CTSD: variants seen among roughly 807,000 people sequenced by gnomAD.
The protein encoded by CTSD is ceroid-lipofuscinosis, neuronal 10.
A neutral mutation model predicts 43.6 loss-of-function variants in CTSD; 28 were observed. The observed-to-expected ratio is 0.64, with a 90% CI of 0.48 to 0.88. The LOEUF (loss-of-function observed/expected upper bound fraction) is 0.88. Ranked by LOEUF, CTSD falls within the 40% of genes least tolerant of loss-of-function variation. The probability of loss-of-function intolerance (pLI) is 0.00; values close to 1 mark genes in which losing one functional copy is unlikely to be tolerated. For missense variants in CTSD, 485 were observed against 555.2 expected, an observed-to-expected ratio of 0.87 and a Z score of 1.27; for synonymous variants, 270 against 249.8, an observed-to-expected ratio of 1.08 and a Z score of -0.76.
chr11:1,759,382 G>T, intron 3 of CTSD, 134 bp downstream of exon 3: 1 of 1,328,622 alleles, frequency 7.5e-7, no homozygotes, highest in Non-Finnish European at 1.1e-6. Flanking sequence ...GGCTGGAGCA[G>T]GGTGGAGGGC....
chr11:1,755,855 C>T (rs369419594), intron 5 of CTSD, among the ~76,000 whole-genome samples: 1 of 152,166 alleles, frequency 6.6e-6, no homozygotes, highest in South Asian at 2.1e-4. Context: ...CTCTTGTCAA[C>T]ACCTCTGCAA....
intron 5 of CTSD, chr11:1,755,235 C>T (rs1033625462): frequency 7.8e-6 from 5 of 643,596 alleles, no homozygotes; most frequent in Admixed American, 4.6e-5. Context: ...GTGGGCCCAG[C>T]CTGGCCCAGA....
Position 1,753,395 on chromosome 11 carries a change from A to C in CTSD, c.*108T>G, listed in dbSNP as rs1378594644. ...CGCCGGCTTCCAGGGCGCCCAGGAC[A>C]GTGGGCGGGCGAGTGTGTGGGTGTG... On this transcript the variant is annotated 3_prime_UTR_variant, in exon 9 of 9. Coordinates refer to ENST00000236671, the MANE Select transcript of CTSD (RefSeq NM_001909.5). 14 of 1,363,494 alleles carry C rather than the reference A, an allele frequency of 1.0e-5. No homozygotes were observed. Among genetic ancestry groups the C allele is most frequent in the African/African-American group, 1.4e-5 (1 of 70,058 alleles). The allele number at this position is 1,363,494 out of a possible 1,614,324, so 84.5% of individuals were successfully genotyped here. A position where few individuals can be genotyped will look rare whatever the true frequency, so the allele number is the denominator to read the frequency against.
At position 1,755,036 on chromosome 11, in the gene CTSD, G is replaced by A. The variant is rs754748489; in HGVS notation, c.705-8C>T. On this transcript the variant is annotated splice_polypyrimidine_tract_variant and splice_region_variant and intron_variant, in intron 5 of 8. Transcript: ENST00000236671. Reference sequence around the variant, plus strand: ...GGCTGCGCATCTGGGTCCCTAGGAGGAAAAGGGAGGAGTCAGCTGCCACGC... The same window carrying A: ...GGCTGCGCATCTGGGTCCCTAGGAGAAAAAGGGAGGAGTCAGCTGCCACGC... 10 of 1,613,684 alleles carry A rather than the reference G, an allele frequency of 6.2e-6. No homozygotes were observed. Among genetic ancestry groups the A allele is most frequent in the South Asian group, 1.1e-5 (1 of 91,088 alleles).
At chr11:1,761,667 T>G (rs567475930) in intron 1 of CTSD, 199 bp from the exon 2 acceptor site, 1 of 659,824 alleles carries the variant, frequency 1.5e-6, no homozygotes, top group South Asian at 1.7e-5. Flanking sequence ...CCCCGCCAGG[T>G]TGCACAGGCC....
chr11:1,763,114 A>T (rs1845902856), intron 1 of CTSD: 1 of 152,460 alleles, frequency 6.6e-6, no homozygotes, highest in South Asian at 2.0e-4. Flanking sequence ...CTGGTCAGGC[A>T]TGGCCGGGCC....
intron 6 of CTSD, among the ~76,000 whole-genome samples, chr11:1,754,478 A>T (rs1331125940): frequency 7.1e-4 from 36 of 50,694 alleles, no homozygotes; most frequent in African/African-American, 2.5e-3. Flanking sequence ...ATGGAGGGTC[A>T]TGGAGAGTCA....
rs372181453 is a variant in CTSD at position 1,759,607 on chromosome 11, C to T, written c.261G>A (p.Thr87=). 3.0e-5 allele frequency: 49 copies of T among 1,613,234 alleles called. No homozygotes were observed. Among genetic ancestry groups the T allele is most frequent in the African/African-American group, 2.4e-4 (18 of 74,910 alleles). The change falls in exon 3 of 9, where the codon ACG becomes ACA. Residue 87 remains threonine (T), a synonymous_variant. Transcript: ENST00000236671. ...AGACGACTGTGAAGCACTGGGGGGG[C>T]GTCCCGATGCCAATCTCCCCGTAGT... ...AQYYGEIGIG[T]PPQCFTVVFD...
At chr11:1,757,828 C>G (rs748957566) in intron 4 of CTSD, 5 of 527,018 alleles carry the variant, frequency 9.5e-6, no homozygotes, top group Non-Finnish European at 1.7e-5. Context: ...CCCCTTGCTC[C>G]GCTCCCTGCT....
At chr11:1,761,180 C>T (rs574910291) in intron 2 of CTSD, 129 bp downstream of exon 2, 188 of 977,592 alleles carry the variant, frequency 1.9e-4, no homozygotes, top group Middle Eastern at 7.6e-4. Flanking sequence ...TGAGCCGGGA[C>T]GCCACCGTGG....
chr11:1,762,886 A>T (rs1845899682), intron 1 of CTSD: 1 of 152,342 alleles, frequency 6.6e-6, no homozygotes, highest in Non-Finnish European at 1.5e-5. Context: ...CAGCTGGCCC[A>T]GCCAGCTCCA....
At position 1,754,087 on chromosome 11, in the gene CTSD, A is replaced by T. The variant is rs1489022357; in HGVS notation, c.879T>A (p.Ile293=). ...LTLCKEGCEA[I]VDTGTSLMVG... ...CCATGAGGGAAGTGCCTGTGTCCAC[A>T]ATGGCCTCACAGCCCTCCTTGCACA... The change falls in exon 7 of 9, where the codon ATT becomes ATA. Residue 293 remains isoleucine, a synonymous_variant. Transcript: ENST00000236671. 1.9e-6 allele frequency: 3 copies of T among 1,611,490 alleles called. No homozygotes were observed. In the South Asian group the frequency reaches 3.3e-5, roughly 18 times the overall value.
Position 1,757,589 on chromosome 11 carries a change from A to T in CTSD, c.472-33T>A, listed in dbSNP as rs557849768. The T allele has an allele frequency of 2.6e-6, 4 of 1,550,182 alleles. No homozygotes were observed. In the South Asian group the frequency reaches 4.6e-5, roughly 18 times the overall value. On this transcript the variant is annotated intron_variant, in intron 4 of 8. Transcript: ENST00000236671. ...CCAGGGCAGAGTCAGTGGGCAGCAG[A>T]CAGGCTGAGCCCTACACCACTCCCT...
intron 6 of CTSD, among the ~76,000 whole-genome samples, chr11:1,754,629 A>AG (rs1490272463): frequency 7.6e-6 from 1 of 131,604 alleles, no homozygotes; most frequent in African/African-American, 3.1e-5. Context: ...GAGGGCATGG[A>AG]GGGATGGACA....
At chr11:1,754,224 G>T in intron 6 of CTSD, 86 bp from the exon 7 acceptor site, 1 of 1,498,882 alleles carries the variant, frequency 6.7e-7, no homozygotes. Context: ...CCCCTCCCCT[G>T]GCTGGGCTGC....
chr11:1,761,401 G>T lies in CTSD; in HGVS notation c.136C>A (p.Leu46Met). The change falls in exon 2 of 9, where the codon CTG becomes ATG. Residue 46 changes from leucine (L) to methionine (M), a missense_variant. Physicochemically the swap from Leu to Met is conservative, Grantham distance 15 (BLOSUM62 2). Transcript: ENST00000236671. ...TTTGAGACGGGGCCTTTGGCAATCA[G>T]GTCCTCCACAGAGCCCCCAACCTCC... ...MSEVGGSVED[L>M]IAKGPVSKYS... The T allele has an allele frequency of 1.2e-6, 2 of 1,613,842 alleles. No homozygotes were observed. The highest frequency in any genetic ancestry group is 1.7e-6 in the Non-Finnish European group (2 of 1,179,998).
rs1181832533 is a variant in CTSD, at chr11:1,759,406, G to A, written c.352+110C>T. 5 of 1,506,932 alleles carry A rather than the reference G, an allele frequency of 3.3e-6. 1 individual carries two copies. In the South Asian group the frequency reaches 4.6e-5, roughly 14 times the overall value. The allele number at this position is 1,506,932 out of a possible 1,614,324, so 93.3% of individuals were successfully genotyped here. A position where few individuals can be genotyped will look rare whatever the true frequency, so the allele number is the denominator to read the frequency against. ...AGGGTGGAGGGCTGGCCTGGCTCAC[G>A]GGGCCAAGAGGCAGGAGAATTGCGT... On this transcript the variant is annotated intron_variant, in intron 3 of 8. Transcript: ENST00000236671.
rs1201933823 is a variant in CTSD, at chr11:1,754,544, GATGGAGGGGATGGAGGGATGGAGGA to G, written c.827+337_827+361del. ...GATGGAGGGGATGGAGGGATGGAGG[GATGGAGGGGATGGAGGGATGGAGGA>G]GATGGAGGGTCATGAAGAGTCACAG... On this transcript the variant is annotated intron_variant, in intron 6 of 8. Coordinates refer to ENST00000236671, the MANE Select transcript of CTSD (RefSeq NM_001909.5). Among the ~76,000 whole-genome samples the G allele has an allele frequency of 9.6e-4, 134 of 138,876 alleles. 1 individual carries two copies. Among genetic ancestry groups the G allele is most frequent in the African/African-American group, 2.9e-3 (106 of 36,684 alleles). The allele number at this position is 138,876 out of a possible 152,430, so 91.1% of individuals were successfully genotyped here. A position where few individuals can be genotyped will look rare whatever the true frequency, so the allele number is the denominator to read the frequency against.
intron 1 of CTSD, chr11:1,761,694 G>C (rs2133666699): frequency 1.7e-6 from 1 of 602,378 alleles, no homozygotes; most frequent in Middle Eastern, 4.5e-4. Flanking sequence ...CTAAGAAGTG[G>C]TCACCCGCCA....
Sources: allele counts gnomAD v4.1 joint callset (sites outside exome capture counted in the v4.1 genomes callset), GRCh38; gene constraint gnomAD v4.1.1; transcripts MANE v1.5; gene names NCBI Gene and HGNC (gene_info 2026-07-23, HGNC 2026-07-21).